Variants in C1QTNF3 observed in about 807,000 individuals in gnomAD.
The protein encoded by C1QTNF3 is complement C1q tumor necrosis factor-related protein 3.
Under a neutral mutation model 32.6 loss-of-function variants are expected in C1QTNF3, and 26 were observed. The ratio of observed to expected loss-of-function variants is 0.80; its 90% CI spans 0.58 to 1.11. The LOEUF is 1.11. Ranked by LOEUF, C1QTNF3 falls within the 50% of genes least tolerant of loss-of-function variation. C1QTNF3 has a pLI of 0.00. For missense variants in C1QTNF3, 362 were observed against 398.2 expected, an observed-to-expected ratio of 0.91 and a Z score of 0.77; for synonymous variants, 155 against 146.0, an observed-to-expected ratio of 1.06 and a Z score of -0.44.
chr5:34,068,484 C>T, the C1QTNF3 span, among the ~76,000 whole-genome samples: 2 of 151,730 alleles, frequency 1.3e-5, no homozygotes, highest in Non-Finnish European at 2.9e-5. Context: ...TAACTTAATT[C>T]TCATAAACAG....
chr5:34,188,922 A>G, the C1QTNF3 span, among the ~76,000 whole-genome samples: 1 of 151,890 alleles, frequency 6.6e-6, no homozygotes, highest in East Asian at 1.9e-4. Flanking sequence ...CCCATGTGTC[A>G]AGGGTGGGGC....
At chr5:34,091,469 T>C in the C1QTNF3 span, among the ~76,000 whole-genome samples, 1 of 152,254 alleles carries the variant, frequency 6.6e-6, no homozygotes, top group South Asian at 2.1e-4. Context: ...TTTTGTTTGT[T>C]TTTTACTATT....
the C1QTNF3 span, among the ~76,000 whole-genome samples, chr5:34,100,530 A>G: frequency 5.3e-5 from 8 of 152,008 alleles, no homozygotes; most frequent in Admixed American, 1.3e-4. Flanking sequence ...CCTAAAATAT[A>G]TTGTGTAATA....
the C1QTNF3 span, among the ~76,000 whole-genome samples, chr5:34,064,089 C>A: frequency 9.9e-5 from 15 of 152,092 alleles, no homozygotes; most frequent in Non-Finnish European, 2.1e-4. Context: ...TGCTCGCAAC[C>A]CAGAAGGGTT....
the C1QTNF3 span, among the ~76,000 whole-genome samples, chr5:34,089,543 C>T: frequency 6.6e-6 from 1 of 152,214 alleles, no homozygotes; most frequent in Non-Finnish European, 1.5e-5. Context: ...AAAAGCCCCT[C>T]AGCAGACACT....
At chr5:34,212,108 C>T in the C1QTNF3 span, among the ~76,000 whole-genome samples, 10 of 152,084 alleles carry the variant, frequency 6.6e-5, no homozygotes, top group African/African-American at 2.2e-4. Flanking sequence ...CACATATCTA[C>T]AACTATCTCA....
chr5:34,175,533 C>T, the C1QTNF3 span: 12 of 310,728 alleles, frequency 3.9e-5, no homozygotes, highest in Admixed American at 4.9e-4. Context: ...TTCCTTCATC[C>T]TTGGCTATGA....
At chr5:34,174,303 C>T in the C1QTNF3 span, among the ~76,000 whole-genome samples, 1 of 152,122 alleles carries the variant, frequency 6.6e-6, no homozygotes, top group East Asian at 1.9e-4. Flanking sequence ...ATGATCCGCC[C>T]ACCTCGGCCT....
chr5:34,111,877 A>G, the C1QTNF3 span, among the ~76,000 whole-genome samples: 5 of 152,198 alleles, frequency 3.3e-5, no homozygotes, highest in Non-Finnish European at 7.3e-5. Context: ...GCTGTCCTGC[A>G]TTTCACATTT....
At chr5:34,100,349 C>T in the C1QTNF3 span, among the ~76,000 whole-genome samples, 6 of 150,520 alleles carry the variant, frequency 4.0e-5, no homozygotes, top group African/African-American at 1.5e-4. Context: ...AGTTTAAATA[C>T]ATGAAATTTT....
At chr5:34,219,274 T>C in the C1QTNF3 span, among the ~76,000 whole-genome samples, 2 of 151,964 alleles carry the variant, frequency 1.3e-5, no homozygotes, top group African/African-American at 4.8e-5. Context: ...ATGTGCATTT[T>C]CTTTAATTAA....
the C1QTNF3 span, among the ~76,000 whole-genome samples, chr5:34,081,557 T>TA: frequency 6.6e-6 from 1 of 151,156 alleles, no homozygotes; most frequent in Non-Finnish European, 1.5e-5. Flanking sequence ...CAACAGAGAA[T>TA]AAAAAATGTA....
the C1QTNF3 span, among the ~76,000 whole-genome samples, chr5:34,178,441 G>A: frequency 7.0e-4 from 107 of 152,138 alleles, no homozygotes; most frequent in Middle Eastern, 0.01. Context: ...ACTGTGGGTG[G>A]CTGTTCCCTG....
intron 1 of C1QTNF3, among the ~76,000 whole-genome samples, chr5:34,037,636 C>G (rs1292227568): frequency 6.6e-6 from 1 of 152,172 alleles, no homozygotes; most frequent in Non-Finnish European, 1.5e-5. Flanking sequence ...AGAGCTAACT[C>G]CTAGTCTTGT....
chr5:34,065,092 C>G, the C1QTNF3 span, among the ~76,000 whole-genome samples: 1 of 152,122 alleles, frequency 6.6e-6, no homozygotes, highest in Non-Finnish European at 1.5e-5. Context: ...AAACTATCAA[C>G]AGAGTAAACA....
At chr5:34,163,281 T>C in the C1QTNF3 span, among the ~76,000 whole-genome samples, 1 of 152,092 alleles carries the variant, frequency 6.6e-6, no homozygotes, top group African/African-American at 2.4e-5. Flanking sequence ...AACCCCCCCA[T>C]GACATGTGTT....
At chr5:34,116,584 C>T in the C1QTNF3 span, among the ~76,000 whole-genome samples, 1 of 138,260 alleles carries the variant, frequency 7.2e-6, no homozygotes, top group African/African-American at 2.8e-5. Context: ...TATCTAGCAA[C>T]ATTTTTTAAA....
the C1QTNF3 span, among the ~76,000 whole-genome samples, chr5:34,206,527 AAC>A: frequency 7.5e-6 from 1 of 133,028 alleles, no homozygotes; most frequent in South Asian, 2.7e-4. Context: ...AGATTCTAGG[AAC>A]AGTCACATTT....
At chr5:34,197,457 GGTCA>G in the C1QTNF3 span, among the ~76,000 whole-genome samples, 1 of 151,944 alleles carries the variant, frequency 6.6e-6, no homozygotes, top group East Asian at 1.9e-4. Context: ...GAGTTTTTAC[GGTCA>G]ATCAATGGTA....
Sources: allele counts gnomAD v4.1 joint callset (sites outside exome capture counted in the v4.1 genomes callset), GRCh38; gene constraint gnomAD v4.1.1; transcripts MANE v1.5; gene names NCBI Gene and HGNC (gene_info 2026-07-23, HGNC 2026-07-21).